SLC9A2: variants seen among roughly 807,000 people sequenced by gnomAD.
SLC9A2 encodes solute carrier family 9 member A2.
In SLC9A2, 42 loss-of-function variants were observed where a neutral mutation model predicts 71.7. That is an observed-to-expected ratio of 0.59 (90% CI 0.46 to 0.76). The LOEUF is 0.76. Ranked by LOEUF, SLC9A2 falls within the 30% of genes least tolerant of loss-of-function variation. SLC9A2 has a pLI of 0.00. For missense variants in SLC9A2, 829 were observed against 1,017.4 expected, an observed-to-expected ratio of 0.81 and a Z score of 2.52; for synonymous variants, 396 against 392.5, an observed-to-expected ratio of 1.01 and a Z score of -0.10.
chr2:102,648,720 A>T (rs1676776350), intron 1 of SLC9A2, among the ~76,000 whole-genome samples: 1 of 152,204 alleles, frequency 6.6e-6, no homozygotes, highest in African/African-American at 2.4e-5. Flanking sequence ...ATCATGAGTG[A>T]ACTCCCATTC....
chr2:102,680,899 C>T (rs59480049), intron 3 of SLC9A2, among the ~76,000 whole-genome samples: 12,041 of 152,036 alleles, frequency 0.079, 1,089 homozygotes, highest in African/African-American at 0.22. Flanking sequence ...GGACGTGGCA[C>T]GAGCCAAGGA....
intron 3 of SLC9A2, among the ~76,000 whole-genome samples, chr2:102,668,586 G>T (rs1677187828): frequency 6.6e-6 from 1 of 152,132 alleles, no homozygotes; most frequent in Non-Finnish European, 1.5e-5. Context: ...CAATTTTAAG[G>T]TTAATGAGAG....
intron 1 of SLC9A2, among the ~76,000 whole-genome samples, chr2:102,649,706 C>G (rs959398418): frequency 2.0e-5 from 3 of 151,876 alleles, no homozygotes; most frequent in Non-Finnish European, 2.9e-5. Flanking sequence ...ATGTGGCCAA[C>G]AAACATGAAA....
chr2:102,681,552 C>G (rs1369251259), intron 3 of SLC9A2, among the ~76,000 whole-genome samples: 1 of 152,204 alleles, frequency 6.6e-6, no homozygotes, highest in Non-Finnish European at 1.5e-5. Context: ...TCCATTCATG[C>G]CTGGCACAAA....
At chr2:102,652,812 A>G (rs140023816) in intron 1 of SLC9A2, among the ~76,000 whole-genome samples, 104 of 152,274 alleles carry the variant, frequency 6.8e-4, no homozygotes, top group Middle Eastern at 3.4e-3. Context: ...TTTGTCAATG[A>G]CTGATACATT....
In SLC9A2 at chr2:102,653,580, T is replaced by G. The variant is rs1166016058; in HGVS notation, c.290-3984T>G. 2.0e-5 allele frequency among the ~76,000 whole-genome samples: 3 copies of G among 152,214 alleles called. No individual in the cohort carries two copies. The East Asian group carries it at 5.8e-4, about 29-fold the overall frequency. ...ATGGCAGGTGCATTGGCCTCTGTAA[T>G]GCATTTCAGCAGTTTCTGTTCCTTC... On this transcript the variant is annotated intron_variant, in intron 1 of 11. Coordinates refer to ENST00000233969, the MANE Select transcript of SLC9A2 (RefSeq NM_003048.6).
chr2:102,694,831 C>A (rs959846460), intron 6 of SLC9A2, among the ~76,000 whole-genome samples: 10 of 152,218 alleles, frequency 6.6e-5, no homozygotes, highest in Middle Eastern at 3.4e-3. Context: ...TATAGGTGAG[C>A]AAAATAATCG....
At chr2:102,694,921 A>C in intron 6 of SLC9A2, 122 bp from the exon 7 acceptor site, 1 of 773,016 alleles carries the variant, frequency 1.3e-6, no homozygotes, top group Non-Finnish European at 2.1e-6. Context: ...TTGGTAATAA[A>C]TAATAAACAA....
chr2:102,691,681 T>C (rs1205129538), intron 5 of SLC9A2, among the ~76,000 whole-genome samples: 2 of 152,228 alleles, frequency 1.3e-5, no homozygotes, highest in African/African-American at 4.8e-5. Context: ...CAAAAACATA[T>C]TGCTATAAGC....
intron 5 of SLC9A2, among the ~76,000 whole-genome samples, chr2:102,685,850 C>T (rs865774295): frequency 6.6e-6 from 1 of 152,096 alleles, no homozygotes; most frequent in Non-Finnish European, 1.5e-5. Flanking sequence ...GAAAGAGGCT[C>T]TCTGGCCACT....
At chr2:102,637,801 G>A (rs1676496482) in intron 1 of SLC9A2, among the ~76,000 whole-genome samples, 1 of 152,208 alleles carries the variant, frequency 6.6e-6, no homozygotes, top group South Asian at 2.1e-4. Flanking sequence ...CTAATTCATG[G>A]AATCTCTGCC....
At chr2:102,694,912 T>G (rs1677724858) in intron 6 of SLC9A2, 131 bp from the exon 7 acceptor site, 7 of 714,412 alleles carry the variant, frequency 9.8e-6, no homozygotes, top group Non-Finnish European at 1.7e-5. Context: ...TTATTGCTTT[T>G]GGTAATAAAT....
intron 3 of SLC9A2, among the ~76,000 whole-genome samples, chr2:102,670,267 C>T (rs564551641): frequency 2.6e-5 from 4 of 151,794 alleles, no homozygotes; most frequent in South Asian, 4.2e-4. Context: ...CCGCCCACCT[C>T]GGCCTCCCAA....
rs751949634 is a variant in SLC9A2 at position 102,708,387 on chromosome 2, C to G, written c.2337C>G (p.Asp779Glu). 94 of 1,614,214 alleles carry G rather than the reference C, an allele frequency of 5.8e-5. No homozygotes were observed. The Middle Eastern group carries it at 2.0e-3, about 34-fold the overall frequency. The change falls in exon 12 of 12, where the codon GAC (aspartate) becomes GAG (glutamate). Residue 779 changes from aspartate (D) to glutamate (E), a missense_variant. By Grantham distance (45) the Asp-to-Glu change is conservative. Transcript: ENST00000233969. The stretch of plus-strand genomic sequence containing the variant: ...ACCAGTCTGGCTCAGAGAGGGAAGA[C>G]AGTTTGACTGAAGGCATCCCGCCCA... Reference protein sequence around the residue: ...SKDQSGSEREDSLTEGIPPKP... With the variant: ...SKDQSGSEREESLTEGIPPKP...
chr2:102,645,772 G>A lies in SLC9A2; in HGVS notation c.290-11792G>A, dbSNP rs188571158. Among the ~76,000 whole-genome samples, 62 of 152,102 alleles carry A rather than the reference G, an allele frequency of 4.1e-4. 2 individuals are homozygous for A. The East Asian group carries it at 0.012, about 29-fold the overall frequency. On this transcript the variant is annotated intron_variant, in intron 1 of 11. Transcript: ENST00000233969. The stretch of plus-strand genomic sequence containing the variant: ...TAGAGAAAAAAGAATGAAAAGGAGT[G>A]AACAAAGCTTCCAAGAAATATGGGA...
intron 11 of SLC9A2, among the ~76,000 whole-genome samples, chr2:102,706,999 A>G (rs931819821): frequency 6.6e-6 from 1 of 152,210 alleles, no homozygotes; most frequent in South Asian, 2.1e-4. Flanking sequence ...CAGAAATAGA[A>G]AACCAAATAC....
chr2:102,637,394 G>C (rs1013405132), intron 1 of SLC9A2, among the ~76,000 whole-genome samples: 1 of 152,160 alleles, frequency 6.6e-6, no homozygotes, highest in Non-Finnish European at 1.5e-5. Flanking sequence ...ACTGGCCAGT[G>C]CCATCGTTAT....
At chr2:102,635,852 TTTAC>T (rs1469011299) in intron 1 of SLC9A2, among the ~76,000 whole-genome samples, 1 of 152,136 alleles carries the variant, frequency 6.6e-6, no homozygotes, top group Non-Finnish European at 1.5e-5. Context: ...AGCTAATCTG[TTTAC>T]TTAATGATTG....
intron 1 of SLC9A2, among the ~76,000 whole-genome samples, chr2:102,649,949 C>T (rs1475834148): frequency 6.6e-6 from 1 of 152,184 alleles, no homozygotes; most frequent in Non-Finnish European, 1.5e-5. Flanking sequence ...CCATTTGACC[C>T]AGCAATCCCA....
Sources: gnomAD v4.1 joint callset for allele counts (sites outside exome capture counted in the v4.1 genomes callset) on GRCh38, gnomAD v4.1.1 for gene constraint, MANE v1.5 for transcripts, NCBI Gene and HGNC (gene_info 2026-07-23, HGNC 2026-07-21) for gene names.